SPOCK3: variants seen among roughly 807,000 people sequenced by gnomAD.
SPOCK3 encodes SPARC (osteonectin), cwcv and kazal like domains proteoglycan 3.
SPOCK3 carries 30 observed loss-of-function variants against 56.6 expected under a neutral mutation model. The ratio of observed to expected loss-of-function variants is 0.53; its 90% CI spans 0.40 to 0.72. SPOCK3 has a LOEUF of 0.72. Ranked by LOEUF, SPOCK3 falls within the 30% of genes least tolerant of loss-of-function variation. SPOCK3 has a pLI of 0.00. For missense variants in SPOCK3, 527 were observed against 530.0 expected, an observed-to-expected ratio of 0.99 and a Z score of 0.06; for synonymous variants, 196 against 183.3, an observed-to-expected ratio of 1.07 and a Z score of -0.56.
intron 3 of SPOCK3, among the ~76,000 whole-genome samples, chr4:167,028,163 G>T (rs1347939761): frequency 1.3e-5 from 2 of 151,692 alleles, no homozygotes; most frequent in African/African-American, 4.8e-5. Context: ...GAGGCAGGAG[G>T]ATCACTTGAA....
At chr4:166,739,704 C>CT (rs71604444) in intron 9 of SPOCK3, among the ~76,000 whole-genome samples, 113,206 of 147,288 alleles carry the variant, frequency 0.77, 43,701 homozygotes, top group South Asian at 0.81. Flanking sequence ...TATTTTCTGA[C>CT]TTTTTTTTTT....
chr4:167,152,985 C>T (rs1561271537), intron 2 of SPOCK3, among the ~76,000 whole-genome samples: 1 of 152,112 alleles, frequency 6.6e-6, no homozygotes, highest in Non-Finnish European at 1.5e-5. Flanking sequence ...GTAAAGAAAT[C>T]CAATCATATC....
At chr4:167,053,244 C>T (rs537131059) in intron 3 of SPOCK3, among the ~76,000 whole-genome samples, 2 of 152,152 alleles carry the variant, frequency 1.3e-5, no homozygotes, top group South Asian at 4.1e-4. Flanking sequence ...AACTGCCCCT[C>T]CCCAGACCCT....
chr4:166,775,961 G>A (rs933698836), intron 7 of SPOCK3, among the ~76,000 whole-genome samples: 3 of 152,044 alleles, frequency 2.0e-5, no homozygotes, highest in Non-Finnish European at 4.4e-5. Flanking sequence ...CTCTAGAACA[G>A]AGAAAAAAGA....
intron 4 of SPOCK3, among the ~76,000 whole-genome samples, chr4:166,983,567 G>T (rs1382315245): frequency 6.6e-6 from 1 of 152,060 alleles, no homozygotes; most frequent in Admixed American, 6.6e-5. Flanking sequence ...TTCTATAGCT[G>T]CATGGGATGG....
chr4:167,174,436 G>GAAA (rs397996153), intron 2 of SPOCK3, among the ~76,000 whole-genome samples: 7 of 144,572 alleles, frequency 4.8e-5, no homozygotes, highest in South Asian at 2.2e-4. Flanking sequence ...CTAAAATTTT[G>GAAA]AAAAAAAAAA....
intron 2 of SPOCK3, among the ~76,000 whole-genome samples, chr4:167,121,473 CAA>C (rs534784701): frequency 3.4e-5 from 4 of 119,316 alleles, no homozygotes; most frequent in Admixed American, 8.6e-5. Flanking sequence ...TGGTTTCAAA[CAA>C]AAAAAAAAAA....
At chr4:167,196,725 A>G (rs1457580521) in intron 2 of SPOCK3, among the ~76,000 whole-genome samples, 1 of 151,974 alleles carries the variant, frequency 6.6e-6, no homozygotes, top group Non-Finnish European at 1.5e-5. Flanking sequence ...TTGCTATTGT[A>G]GGAGTGAATA....
chr4:166,832,539 T>A (rs1018934308), intron 6 of SPOCK3, among the ~76,000 whole-genome samples: 57 of 152,124 alleles, frequency 3.7e-4, no homozygotes, highest in Admixed American at 4.6e-4. Flanking sequence ...GAACTAACAT[T>A]CAACCCAGTA....
rs925770503 is a variant in SPOCK3, at chr4:167,199,479, G to A, written c.189+34506C>T. ...AACAAAGACTGGCCCCTTGCCTCAA[G>A]AGATTGAATTCTTAAGAGCCATTTT... On this transcript the variant is annotated intron_variant, in intron 2 of 10. Coordinates refer to ENST00000357545, the MANE Select transcript of SPOCK3 (RefSeq NM_001040159.2). 5.9e-5 allele frequency among the ~76,000 whole-genome samples: 9 copies of A among 152,024 alleles called. No homozygotes were observed. In the East Asian group the frequency reaches 1.4e-3, roughly 23 times the overall value.
chr4:166,944,042 G>A (rs1051907761), intron 4 of SPOCK3, among the ~76,000 whole-genome samples: 3 of 152,142 alleles, frequency 2.0e-5, no homozygotes, highest in African/African-American at 7.2e-5. Context: ...AGCTACTCAG[G>A]AGGCTGAGGC....
At chr4:166,796,621 A>T (rs1057208510) in intron 6 of SPOCK3, among the ~76,000 whole-genome samples, 2 of 152,190 alleles carry the variant, frequency 1.3e-5, no homozygotes, top group Admixed American at 1.3e-4. Context: ...CAAATTCAGT[A>T]AATTTAGTTC....
chr4:167,183,460 C>G (rs1245135129), intron 2 of SPOCK3, among the ~76,000 whole-genome samples: 2 of 151,822 alleles, frequency 1.3e-5, no homozygotes, highest in Non-Finnish European at 2.9e-5. Context: ...AAAAATGACA[C>G]CTCTTTAAAA....
intron 6 of SPOCK3, 68 bp from the exon 7 acceptor site, chr4:166,792,357 T>C: frequency 1.9e-6 from 3 of 1,548,222 alleles, no homozygotes. Context: ...ATTTCTCTCA[T>C]TAGTCCAATA....
intron 5 of SPOCK3, among the ~76,000 whole-genome samples, chr4:166,901,240 C>T (rs540243516): frequency 6.6e-6 from 1 of 152,116 alleles, no homozygotes; most frequent in Non-Finnish European, 1.5e-5. Context: ...ATTAGGCACA[C>T]TTCCCTCAGC....
chr4:166,770,168 A>G (rs1453240666), intron 7 of SPOCK3, among the ~76,000 whole-genome samples: 1 of 152,092 alleles, frequency 6.6e-6, no homozygotes, highest in African/African-American at 2.4e-5. Flanking sequence ...GCTTCAGCTC[A>G]CACTGGTGGG....
intron 7 of SPOCK3, among the ~76,000 whole-genome samples, chr4:166,766,822 C>CT (rs942388343): frequency 6.6e-6 from 1 of 152,084 alleles, no homozygotes; most frequent in Admixed American, 6.6e-5. Context: ...TGGTCCTGGA[C>CT]TTTTTTTGGT....
intron 4 of SPOCK3, among the ~76,000 whole-genome samples, chr4:166,977,089 C>T (rs1273787314): frequency 6.6e-6 from 1 of 152,020 alleles, no homozygotes; most frequent in African/African-American, 2.4e-5. Flanking sequence ...AAAAACAGAG[C>T]ATCTGGTGAT....
At chr4:167,144,695 T>C (rs1763794267) in intron 2 of SPOCK3, among the ~76,000 whole-genome samples, 1 of 142,388 alleles carries the variant, frequency 7.0e-6, no homozygotes, top group African/African-American at 2.6e-5. Flanking sequence ...GAAAGAAATG[T>C]GAAGGACAGA....
Sources: gnomAD v4.1 joint callset for allele counts (sites outside exome capture counted in the v4.1 genomes callset) on GRCh38, gnomAD v4.1.1 for gene constraint, MANE v1.5 for transcripts, NCBI Gene and HGNC (gene_info 2026-07-23, HGNC 2026-07-21) for gene names.